ATP2B2: variants seen among roughly 807,000 people sequenced by gnomAD.
ATP2B2 encodes ATPase plasma membrane Ca2+ transporting 2, also known as plasma membrane calcium-transporting ATPase 2.
A neutral mutation model predicts 120.0 loss-of-function variants in ATP2B2; 15 were observed. The ratio of observed to expected loss-of-function variants is 0.12; its 90% confidence interval spans 0.08 to 0.19. The LOEUF (loss-of-function observed/expected upper bound fraction) is 0.19. Among genes scored for constraint, ATP2B2 ranks in the 10% least tolerant of loss-of-function variants. The probability of loss-of-function intolerance (pLI) is 1.00; values close to 1 mark genes in which losing one functional copy is unlikely to be tolerated. For missense variants in ATP2B2, 1,045 were observed against 1,719.8 expected (o/e 0.61, Z 6.94); for synonymous variants, 694 against 700.3 (o/e 0.99, Z 0.14).
At chr3:10,623,804 G>A (rs570902199) in intron 1 of ATP2B2, among the ~76,000 whole-genome samples, 2 of 152,268 alleles carry the variant, frequency 1.3e-5, no homozygotes, top group Admixed American at 6.5e-5. Context: ...TTCAGCCCAC[G>A]TGAACCTCAT....
At chr3:10,345,067 C>T (rs576863416) in intron 18 of ATP2B2, among the ~76,000 whole-genome samples, 2 of 152,338 alleles carry the variant, frequency 1.3e-5, no homozygotes, top group East Asian at 3.9e-4. Context: ...GGCCAAGGGC[C>T]CTGCCTTCTC....
At chr3:10,609,377 GGCTCTGGCAGCCGCAA>G (rs1420116435) in intron 2 of ATP2B2, among the ~76,000 whole-genome samples, 2 of 152,190 alleles carry the variant, frequency 1.3e-5, no homozygotes, top group Non-Finnish European at 2.9e-5. Context: ...CCATGACTAC[GGCTCTGGCAGCCGCAA>G]GGAGCCTCCC....
intron 2 of ATP2B2, among the ~76,000 whole-genome samples, chr3:10,411,577 G>A (rs1467226653): frequency 6.6e-6 from 1 of 152,198 alleles, no homozygotes; most frequent in Non-Finnish European, 1.5e-5. Flanking sequence ...CTGAGCCTCA[G>A]TACCCTCTAC....
chr3:10,440,960 C>T lies in ATP2B2; in HGVS notation c.199+8385G>A, dbSNP rs185157456. Among the ~76,000 whole-genome samples, 8 of 152,338 alleles carry T rather than the reference C, an allele frequency of 5.3e-5. No homozygotes were observed. In the East Asian group the frequency reaches 1.5e-3, roughly 29 times the overall value. On this transcript the variant is annotated intron_variant, in intron 2 of 22. Coordinates refer to ENST00000360273, the MANE Select transcript of ATP2B2 (RefSeq NM_001001331.4). Reference sequence around the variant, plus strand: ...CGTGAAGCCTCAGCAGGGAGCCTGGCTGCTGTTAGTGTTCAATGCATGTTA... The same window carrying T: ...CGTGAAGCCTCAGCAGGGAGCCTGGTTGCTGTTAGTGTTCAATGCATGTTA...
intron 1 of ATP2B2, among the ~76,000 whole-genome samples, chr3:10,464,205 A>T (rs1294956251): frequency 1.3e-5 from 2 of 152,068 alleles, no homozygotes; most frequent in African/African-American, 2.4e-5. Context: ...CACTTCTAAA[A>T]ATAATGCCGC....
intron 2 of ATP2B2, among the ~76,000 whole-genome samples, chr3:10,618,426 C>A (rs2069455736): frequency 6.6e-6 from 1 of 152,200 alleles, no homozygotes; most frequent in South Asian, 2.1e-4. Flanking sequence ...CAAGGCCCTG[C>A]CTTGGGAGGA....
intron 3 of ATP2B2, among the ~76,000 whole-genome samples, chr3:10,511,106 A>G (rs1405692417): frequency 2.0e-5 from 3 of 152,052 alleles, no homozygotes; most frequent in African/African-American, 7.2e-5. Flanking sequence ...GCTCCCAAAG[A>G]CACTCTTGCA....
At chr3:10,408,139 G>A (rs529307550) in intron 3 of ATP2B2, among the ~76,000 whole-genome samples, 1 of 152,318 alleles carries the variant, frequency 6.6e-6, no homozygotes, top group South Asian at 2.1e-4. Flanking sequence ...ATCTTTGACC[G>A]AAAGTTCCTG....
At chr3:10,538,765 TATC>T (rs1447597927) in intron 2 of ATP2B2, among the ~76,000 whole-genome samples, 2 of 152,172 alleles carry the variant, frequency 1.3e-5, no homozygotes, top group African/African-American at 4.8e-5. Context: ...CCACAGCCAA[TATC>T]ATACTGAATG....
chr3:10,471,338 T>C lies in ATP2B2; in HGVS notation c.-319-21476A>G, dbSNP rs112116326. ...GCCACGGGAGTCTACAGCTTGGACT[T>C]TGGTTTTAAAAGGGGTTCAGGAAAC... is the stretch of plus-strand genomic sequence containing the variant. On this transcript the variant is annotated intron_variant, in intron 1 of 22. Transcript: ENST00000360273. 2.4e-3 allele frequency among the ~76,000 whole-genome samples: 364 copies of C among 150,056 alleles called. 3 individuals are homozygous for C. Among genetic ancestry groups the C allele is most frequent in the African/African-American group, 8.7e-3 (358 of 40,930 alleles).
At chr3:10,548,624 C>T (rs1226185345) in intron 2 of ATP2B2, among the ~76,000 whole-genome samples, 1 of 152,208 alleles carries the variant, frequency 6.6e-6, no homozygotes, top group Non-Finnish European at 1.5e-5. Context: ...CAGGTGCCCA[C>T]AGTGATAATT....
At chr3:10,689,351 G>A (rs1398362638) in intron 1 of ATP2B2, among the ~76,000 whole-genome samples, 6 of 152,140 alleles carry the variant, frequency 3.9e-5, no homozygotes. Context: ...TTTCTCAACT[G>A]TGTGACGGGA....
chr3:10,408,456 G>A (rs534708586), intron 3 of ATP2B2, among the ~76,000 whole-genome samples: 3 of 152,288 alleles, frequency 2.0e-5, no homozygotes, highest in South Asian at 2.1e-4. Context: ...AGGCCAGGGC[G>A]TGGGCTTCCG....
intron 2 of ATP2B2, among the ~76,000 whole-genome samples, chr3:10,585,493 GAAAA>G (rs60670471): frequency 1.8e-4 from 5 of 28,510 alleles, no homozygotes; most frequent in African/African-American, 4.9e-4. Context: ...GACTCCGTCT[GAAAA>G]AAAAAAAAAA....
In ATP2B2 at chr3:10,378,426, C is replaced by A; in HGVS notation, c.1043-16G>T. 1 of 1,599,826 alleles carries A rather than the reference C, an allele frequency of 6.3e-7. No homozygotes were observed. The highest frequency in any genetic ancestry group is 8.5e-7 in the Non-Finnish European group (1 of 1,179,950). ...TGTTGTTTGGCTGCAGGGGGCAGATCACGCACGTGCATACACACAGACACA... is the reference window on the plus strand; with the variant it reads ...TGTTGTTTGGCTGCAGGGGGCAGATAACGCACGTGCATACACACAGACACA... On this transcript the variant is annotated splice_polypyrimidine_tract_variant and intron_variant, in intron 9 of 22. Coordinates refer to ENST00000360273, the MANE Select transcript of ATP2B2 (RefSeq NM_001001331.4).
intron 1 of ATP2B2, among the ~76,000 whole-genome samples, chr3:10,633,758 G>C (rs1212072951): frequency 6.6e-6 from 1 of 152,134 alleles, no homozygotes; most frequent in Non-Finnish European, 1.5e-5. Context: ...TGCACCCTTG[G>C]GCACAAGATC....
intron 1 of ATP2B2, among the ~76,000 whole-genome samples, chr3:10,482,435 G>C (rs1042901341): frequency 1.3e-5 from 2 of 152,210 alleles, no homozygotes; most frequent in Non-Finnish European, 2.9e-5. Flanking sequence ...TGCCTCAATT[G>C]CCACCTTTGG....
intron 12 of ATP2B2, among the ~76,000 whole-genome samples, chr3:10,369,050 G>A (rs1225457739): frequency 6.6e-6 from 1 of 152,208 alleles, no homozygotes; most frequent in Non-Finnish European, 1.5e-5. Context: ...TGTGGAGGGG[G>A]AAATACAGCA....
At chr3:10,422,632 G>A (rs1296798022) in intron 2 of ATP2B2, among the ~76,000 whole-genome samples, 1 of 152,210 alleles carries the variant, frequency 6.6e-6, no homozygotes, top group Non-Finnish European at 1.5e-5. Flanking sequence ...ACATCTAGAC[G>A]TGCACATGCA....
Sources: allele counts gnomAD v4.1 joint callset (sites outside exome capture counted in the v4.1 genomes callset), GRCh38; gene constraint gnomAD v4.1.1; transcripts MANE v1.5; gene names NCBI Gene and HGNC (gene_info 2026-07-23, HGNC 2026-07-21).